DYDC1: variants seen among roughly 807,000 people sequenced by gnomAD.
The protein encoded by DYDC1 is DPY30 domain containing 1.
DYDC1 carries 21 observed loss-of-function variants against 27.9 expected under a neutral mutation model. That is an observed-to-expected ratio of 0.75 (90% CI 0.53 to 1.08). The LOEUF (loss-of-function observed/expected upper bound fraction) is 1.08. Among genes scored for constraint, DYDC1 ranks in the 50% least tolerant of loss-of-function variants. The pLI is 0.00. For missense variants in DYDC1, 202 were observed against 205.9 expected (o/e 0.98, Z 0.12); for synonymous variants, 67 against 65.8 (o/e 1.02, Z -0.09).
chr10:80,339,767 G>A (rs1033710469), intron 4 of DYDC1, among the ~76,000 whole-genome samples: 8 of 152,104 alleles, frequency 5.3e-5, no homozygotes, highest in East Asian at 1.9e-4. Flanking sequence ...GAGCTGATTC[G>A]TTTTGGCTGC....
chr10:80,347,979 G>A (rs1359088103), intron 3 of DYDC1, among the ~76,000 whole-genome samples: 1 of 152,124 alleles, frequency 6.6e-6, no homozygotes, highest in Non-Finnish European at 1.5e-5. Context: ...GGGTTTTTCT[G>A]TTTCTGTGAA....
chr10:80,340,395 G>GAGGGAGTGGT (rs1842280206), intron 4 of DYDC1, among the ~76,000 whole-genome samples: 1 of 152,188 alleles, frequency 6.6e-6, no homozygotes, highest in Admixed American at 6.5e-5. Flanking sequence ...CTTTGCAGGG[G>GAGGGAGTGGT]ACTACCTATG....
chr10:80,349,554 A>T (rs1311761616), intron 3 of DYDC1, among the ~76,000 whole-genome samples: 1 of 152,236 alleles, frequency 6.6e-6, no homozygotes, highest in African/African-American at 2.4e-5. Flanking sequence ...TTTTAAAGGT[A>T]ATTTCTTAGT....
intron 4 of DYDC1, among the ~76,000 whole-genome samples, chr10:80,339,488 AT>A (rs10714933): frequency 0.78 from 119,232 of 152,126 alleles, 47,712 homozygotes; most frequent in East Asian, 0.97. Context: ...AGAACAAGAG[AT>A]TTTTAAGGAG....
At chr10:80,351,874 C>G in intron 3 of DYDC1, 27 bp downstream of exon 3, 1 of 1,603,210 alleles carries the variant, frequency 6.2e-7, no homozygotes, top group Non-Finnish European at 8.5e-7. Context: ...AATTCCAGTC[C>G]CCTCTGAACT....
At chr10:80,349,779 C>T (rs543570974) in intron 3 of DYDC1, among the ~76,000 whole-genome samples, 2 of 152,298 alleles carry the variant, frequency 1.3e-5, no homozygotes, top group Admixed American at 6.5e-5. Flanking sequence ...AATCCCCTTC[C>T]TCACACATGA....
At chr10:80,340,284 C>T (rs1842275122) in intron 4 of DYDC1, among the ~76,000 whole-genome samples, 1 of 152,198 alleles carries the variant, frequency 6.6e-6, no homozygotes, top group Admixed American at 6.5e-5. Flanking sequence ...GCAAACTTCC[C>T]TTTGCACATG....
intron 3 of DYDC1, among the ~76,000 whole-genome samples, chr10:80,347,192 T>C (rs1278070973): frequency 6.6e-6 from 1 of 152,030 alleles, no homozygotes; most frequent in Admixed American, 6.5e-5. Context: ...CTTGTCACTT[T>C]TGATAATATA....
chr10:80,343,296 C>T (rs951664382), intron 3 of DYDC1, among the ~76,000 whole-genome samples: 53 of 152,224 alleles, frequency 3.5e-4, no homozygotes, highest in African/African-American at 1.1e-3. Flanking sequence ...GTATTGTCTA[C>T]GAGCGCTTTT....
Position 80,355,141 on chromosome 10 carries a change from CT to C in DYDC1, c.-10+1570del, listed in dbSNP as rs1843282671. 2.0e-5 allele frequency among the ~76,000 whole-genome samples: 3 copies of C among 151,216 alleles called. No homozygotes were observed. In the South Asian group the frequency reaches 6.3e-4, roughly 32 times the overall value. On this transcript the variant is annotated intron_variant, in intron 1 of 6. Coordinates refer to ENST00000372202, the MANE Select transcript of DYDC1 (RefSeq NM_001269053.2). ...TTAACACGACAAAGAAGAGAAGAGTCTTCTAGGTATGAGGAAAGGCCCTGAT... is the reference window on the plus strand; with the variant it reads ...TTAACACGACAAAGAAGAGAAGAGTCTCTAGGTATGAGGAAAGGCCCTGAT...
At chr10:80,336,347 TA>T (rs1842135705) in intron 6 of DYDC1, 162 bp from the exon 7 acceptor site, 2 of 981,392 alleles carry the variant, frequency 2.0e-6, no homozygotes, top group Non-Finnish European at 2.4e-6. Flanking sequence ...AATATAACCA[TA>T]AATTATGTTC....
intron 6 of DYDC1, among the ~76,000 whole-genome samples, chr10:80,336,672 A>G (rs910517705): frequency 5.9e-5 from 9 of 152,234 alleles, no homozygotes; most frequent in Non-Finnish European, 1.2e-4. Context: ...CTGCAACTGA[A>G]GCCATCATTT....
chr10:80,344,925 T>C (rs1301004007), intron 3 of DYDC1: 1 of 154,540 alleles, frequency 6.5e-6, no homozygotes, highest in African/African-American at 2.4e-5. Context: ...AAGAGCATTT[T>C]CAAAGTCGTG....
intron 4 of DYDC1, among the ~76,000 whole-genome samples, chr10:80,341,613 C>A (rs187910294): frequency 6.6e-6 from 1 of 152,012 alleles, no homozygotes; most frequent in East Asian, 1.9e-4. Flanking sequence ...TATTCAACAT[C>A]AGCTACTGTA....
chr10:80,352,295 G>A (rs944724118), intron 2 of DYDC1, 160 bp downstream of exon 2: 4 of 1,091,154 alleles, frequency 3.7e-6, no homozygotes, highest in Non-Finnish European at 4.9e-6. Flanking sequence ...AGTCTTCTTT[G>A]GGTAATGTTT....
At chr10:80,356,574 G>A in intron 1 of DYDC1, 138 bp downstream of exon 1, 1 of 985,516 alleles carries the variant, frequency 1.0e-6, no homozygotes, top group Non-Finnish European at 1.2e-6. Flanking sequence ...CCCCAGGCGC[G>A]AAGCGGCCTC....
At position 80,352,559 on chromosome 10, in the gene DYDC1, T is replaced by C; in HGVS notation, c.43A>G (p.Thr15Ala). 6.2e-7 allele frequency: 1 copy of C among 1,613,560 alleles called. No individual in the cohort carries two copies. The highest frequency in any genetic ancestry group is 8.5e-7 in the Non-Finnish European group (1 of 1,179,788). Residue 15 changes from threonine to alanine, a missense_variant, in exon 2 of 7, where the codon ACT (threonine) becomes GCT (alanine). Physicochemically the swap from Thr to Ala is moderately conservative, Grantham distance 58. Transcript: ENST00000372202. The part of the protein sequence containing the change: ...YLQKHLGACL[T>A]QGLAEVARVR... ...CTTGCCACTTCTGCAAGACCTTGAG[T>C]TAAACAGGCCCCAAGGTGCTTTTGA...
chr10:80,345,449 C>T (rs1220031008), intron 3 of DYDC1, among the ~76,000 whole-genome samples: 3 of 152,188 alleles, frequency 2.0e-5, no homozygotes, highest in African/African-American at 7.2e-5. Flanking sequence ...AATCTACTCT[C>T]TTAAAAATTT....
rs115521848 is a variant in DYDC1, at chr10:80,354,142, A to T, written c.-9-1532T>A. On this transcript the variant is annotated intron_variant, in intron 1 of 6. Coordinates refer to ENST00000372202, the MANE Select transcript of DYDC1 (RefSeq NM_001269053.2). ...TATATAAAAAAAAATATATATATAT[A>T]TATTTTTTCCTGAGAATCTGATGAA... 4.9e-3 allele frequency among the ~76,000 whole-genome samples: 736 copies of T among 149,186 alleles called. 3 individuals carry two copies. The highest frequency in any genetic ancestry group is 0.017 in the African/African-American group (701 of 40,806).
Sources: allele counts gnomAD v4.1 joint callset (sites outside exome capture counted in the v4.1 genomes callset), GRCh38; gene constraint gnomAD v4.1.1; transcripts MANE v1.5; gene names NCBI Gene and HGNC (gene_info 2026-07-23, HGNC 2026-07-21).